Variants in RCAN2 observed in about 807,000 individuals in gnomAD.
The protein encoded by RCAN2 is regulator of calcineurin 2, also known as calcipressin-2.
Under a neutral mutation model 23.6 loss-of-function variants are expected in RCAN2, and 9 were observed. The ratio of observed to expected loss-of-function variants is 0.38; its 90% confidence interval spans 0.23 to 0.67. RCAN2 has a LOEUF of 0.67. RCAN2 is among the 30% of genes least tolerant of loss of function. The pLI is 0.51. For synonymous variants in RCAN2, 109 were observed against 115.7 expected, an observed-to-expected ratio of 0.94 and a Z score of 0.37; for missense variants, 273 against 302.3, an observed-to-expected ratio of 0.90 and a Z score of 0.72.
chr6:46,359,925 A>T (rs752668238), intron 2 of RCAN2, among the ~76,000 whole-genome samples: 5 of 152,236 alleles, frequency 3.3e-5, no homozygotes, highest in Non-Finnish European at 5.9e-5. Flanking sequence ...CAAGATTTGA[A>T]TCTAGGTGTG....
At chr6:46,400,851 C>T (rs1013597759) in intron 2 of RCAN2, among the ~76,000 whole-genome samples, 3 of 152,190 alleles carry the variant, frequency 2.0e-5, no homozygotes, top group Non-Finnish European at 4.4e-5. Flanking sequence ...TTGCTATTCC[C>T]TATGGAAGGC....
chr6:46,332,046 A>G (rs759423120), intron 2 of RCAN2, among the ~76,000 whole-genome samples: 1 of 152,224 alleles, frequency 6.6e-6, no homozygotes, highest in East Asian at 1.9e-4. Context: ...GCATATACAA[A>G]TTATGTCTTA....
At position 46,400,512 on chromosome 6, in the gene RCAN2, A is replaced by G. The variant is rs140194071; in HGVS notation, c.225+56240T>C. On this transcript the variant is annotated intron_variant, in intron 2 of 4. Transcript: ENST00000371374. ...GATCCCTGCACAAATTAAAATTTGC[A>G]GAATTTCCACTAGAGAAAGTAGTGA... Among the ~76,000 whole-genome samples the G allele has an allele frequency of 4.2e-4, 64 of 152,342 alleles. No homozygotes were observed. The East Asian group carries it at 0.011, about 27-fold the overall frequency.
chr6:46,312,214 C>A (rs188643471), intron 2 of RCAN2, among the ~76,000 whole-genome samples: 1 of 152,260 alleles, frequency 6.6e-6, no homozygotes, highest in Non-Finnish European at 1.5e-5. Flanking sequence ...TGGTATCAGA[C>A]TTTTCTTTCT....
At chr6:46,306,454 C>G (rs1446358139) in intron 2 of RCAN2, among the ~76,000 whole-genome samples, 2 of 152,124 alleles carry the variant, frequency 1.3e-5, no homozygotes, top group East Asian at 3.9e-4. Context: ...TTACCACCCT[C>G]CTAGCATTCT....
intron 2 of RCAN2, among the ~76,000 whole-genome samples, chr6:46,268,734 A>G (rs1196577518): frequency 6.6e-6 from 1 of 152,202 alleles, no homozygotes; most frequent in African/African-American, 2.4e-5. Context: ...GTGTTATAGA[A>G]GACAAGTGAG....
At chr6:46,364,411 C>T (rs1166312639) in intron 2 of RCAN2, among the ~76,000 whole-genome samples, 1 of 152,090 alleles carries the variant, frequency 6.6e-6, no homozygotes, top group Non-Finnish European at 1.5e-5. Context: ...GAAAGGCAAG[C>T]TGATTATTAA....
chr6:46,480,860 G>T (rs1038562571), intron 1 of RCAN2, among the ~76,000 whole-genome samples: 1 of 152,180 alleles, frequency 6.6e-6, no homozygotes, highest in Non-Finnish European at 1.5e-5. Flanking sequence ...CTGACCTCGT[G>T]ATACGCCCGC....
intron 2 of RCAN2, among the ~76,000 whole-genome samples, chr6:46,430,289 A>G (rs1712649010): frequency 6.6e-6 from 1 of 152,148 alleles, no homozygotes; most frequent in Non-Finnish European, 1.5e-5. Flanking sequence ...AGGATTAGCT[A>G]CAGAATGATT....
chr6:46,255,464 T>C (rs1183357499), intron 2 of RCAN2, among the ~76,000 whole-genome samples: 5 of 152,042 alleles, frequency 3.3e-5, no homozygotes, highest in African/African-American at 9.7e-5. Context: ...AGGAATGACA[T>C]AGTGGGAAAA....
chr6:46,350,496 G>A (rs1764615717), intron 2 of RCAN2, among the ~76,000 whole-genome samples: 2 of 152,322 alleles, frequency 1.3e-5, no homozygotes, highest in Non-Finnish European at 1.5e-5. Flanking sequence ...AGGGAAGTGA[G>A]TGTCCTGGAG....
At chr6:46,351,843 T>G (rs1233948355) in intron 2 of RCAN2, among the ~76,000 whole-genome samples, 1 of 152,218 alleles carries the variant, frequency 6.6e-6, no homozygotes, top group East Asian at 1.9e-4. Context: ...CATTTTTCTG[T>G]GGCTCCCAGC....
intron 2 of RCAN2, among the ~76,000 whole-genome samples, chr6:46,283,677 TA>T (rs968762203): frequency 2.0e-5 from 3 of 152,244 alleles, no homozygotes. Flanking sequence ...GTCATCAACA[TA>T]ATCCTTTGGA....
chr6:46,415,148 A>G (rs182358691), intron 2 of RCAN2, among the ~76,000 whole-genome samples: 210 of 152,266 alleles, frequency 1.4e-3, no homozygotes, highest in Non-Finnish European at 2.3e-3. Flanking sequence ...TAGGAAGGTG[A>G]CCCTGGCAAC....
At chr6:46,236,292 T>C (rs1766092102) in intron 4 of RCAN2, among the ~76,000 whole-genome samples, 1 of 152,196 alleles carries the variant, frequency 6.6e-6, no homozygotes. Context: ...AATGAACCTA[T>C]CCTTTTTCCT....
rs1254486902 is a variant in RCAN2 at position 46,221,170 on chromosome 6, T to A, written c.*1971A>T. On this transcript the variant is annotated 3_prime_UTR_variant, in exon 5 of 5. Coordinates refer to ENST00000371374, the MANE Select transcript of RCAN2 (RefSeq NM_001251974.2). ...TTACTAAGTTGTTAAAAATGTCAGA[T>A]GTGTCTTTTAAAAAACATTTAAAAA... 1 of 152,368 alleles carries A rather than the reference T, an allele frequency of 6.6e-6. No homozygotes were observed. Among genetic ancestry groups the A allele is most frequent in the Non-Finnish European group, 1.5e-5 (1 of 68,044 alleles). The allele number at this position is 152,368 out of a possible 1,614,324, so 9.4% of individuals were successfully genotyped here. A position where few individuals can be genotyped will look rare whatever the true frequency, so the allele number is the denominator to read the frequency against.
In RCAN2 at chr6:46,441,772, TTC is replaced by T. The variant is rs56026831; in HGVS notation, c.225+14978_225+14979del. Among the ~76,000 whole-genome samples the T allele has an allele frequency of 7.8e-3, 1,189 of 152,220 alleles. 16 individuals are homozygous for T. Among genetic ancestry groups the T allele is most frequent in the Admixed American group, 0.022 (341 of 15,298 alleles). ...AAACTAAAAAAATAAACTACACATG[TTC>T]TGTTTCTATATATACCCATTTTGCT... On this transcript the variant is annotated intron_variant, in intron 2 of 4. Coordinates refer to ENST00000371374, the MANE Select transcript of RCAN2 (RefSeq NM_001251974.2).
chr6:46,356,399 G>C (rs1764832202), intron 2 of RCAN2, among the ~76,000 whole-genome samples: 1 of 152,132 alleles, frequency 6.6e-6, no homozygotes, highest in Non-Finnish European at 1.5e-5. Flanking sequence ...TAAACCCTCT[G>C]AGCTACCCTC....
In RCAN2 at chr6:46,389,518, G is replaced by A. The variant is rs1330272775; in HGVS notation, c.225+67234C>T. On this transcript the variant is annotated intron_variant, in intron 2 of 4. Transcript: ENST00000371374. The stretch of plus-strand genomic sequence containing the variant: ...ATTACCCGCTGGGGTACCAGCCTCC[G>A]CACTTGCCTATCAGCTCCTCCAGGG... Among the ~76,000 whole-genome samples the A allele has an allele frequency of 2.0e-5, 3 of 152,140 alleles. No individual in the cohort carries two copies. The East Asian group carries it at 5.8e-4, about 29-fold the overall frequency.
Sources: gnomAD v4.1 joint callset for allele counts (sites outside exome capture counted in the v4.1 genomes callset) on GRCh38, gnomAD v4.1.1 for gene constraint, MANE v1.5 for transcripts, NCBI Gene and HGNC (gene_info 2026-07-23, HGNC 2026-07-21) for gene names.